The following RNPEPL1 variants were observed in gnomAD, a reference collection of about 807,000 sequenced individuals.
The protein encoded by RNPEPL1 is arginyl aminopeptidase like 1.
Under a neutral mutation model 69.0 loss-of-function variants are expected in RNPEPL1, and 46 were observed. The observed-to-expected ratio is 0.67, with a 90% CI of 0.53 to 0.85. The LOEUF is 0.85. RNPEPL1 is among the 40% of genes least tolerant of loss of function. The pLI is 0.00. For missense variants in RNPEPL1, 869 were observed against 992.5 expected, an observed-to-expected ratio of 0.88 and a Z score of 1.67; for synonymous variants, 525 against 454.1, an observed-to-expected ratio of 1.16 and a Z score of -1.98.
chr2:240,577,769 A>G lies in RNPEPL1; in HGVS notation c.2055A>G (p.Ser685=). The change falls in exon 11 of 11, where the codon TCA becomes TCG. Residue 685 remains serine (S), a synonymous_variant. Transcript: ENST00000270357. ...QGLGSSTEPA[S]EPSTELGKAE... The stretch of plus-strand genomic sequence containing the variant: ...TGGGCTCCAGCACAGAGCCCGCCTC[A>G]GAGCCCAGCACGGAGCTGGGCAAGG... 6.2e-7 allele frequency: 1 copy of G among 1,612,114 alleles called. No homozygotes were observed. The highest frequency in any genetic ancestry group is 1.1e-5 in the South Asian group (1 of 90,934).
In RNPEPL1 at chr2:240,571,020, AG is replaced by A. The variant is rs961627935; in HGVS notation, c.529-1398del. Among the ~76,000 whole-genome samples the A allele has an allele frequency of 2.6e-5, 4 of 151,984 alleles. No individual in the cohort carries two copies. In the East Asian group the frequency reaches 5.8e-4, roughly 22 times the overall value. ...AGGCCACAGGAGAGGAGTAGTTGTG[AG>A]GGGGCCGTGCAGGCTGAAGGGTTGG... On this transcript the variant is annotated intron_variant, in intron 1 of 10. Transcript: ENST00000270357.
intron 6 of RNPEPL1, 33 bp downstream of exon 6, chr2:240,574,661 G>A (rs778661454): frequency 7.1e-6 from 11 of 1,552,514 alleles, no homozygotes; most frequent in South Asian, 1.1e-5. Context: ...TCCCACAACT[G>A]GGGATGTCAC....
chr2:240,570,799 G>T (rs1166670909), intron 1 of RNPEPL1, among the ~76,000 whole-genome samples: 1 of 152,190 alleles, frequency 6.6e-6, no homozygotes, highest in South Asian at 2.1e-4. Flanking sequence ...ACGGGGATTG[G>T]TGCCCCATCT....
rs759336018 is a variant in RNPEPL1 at position 240,576,836 on chromosome 2, C to T, written c.1742-12C>T. The T allele has an allele frequency of 3.0e-5, 48 of 1,612,876 alleles. No homozygotes were observed. The highest frequency in any genetic ancestry group is 6.7e-5 in the African/African-American group (5 of 74,934). The stretch of plus-strand genomic sequence containing the variant: ...ACAGCGGCCCAGCCCTGACCTGCCC[C>T]CTGCGCTGCAGAGGTGGTGATGAGC... On this transcript the variant is annotated splice_polypyrimidine_tract_variant and intron_variant, in intron 9 of 10. Coordinates refer to ENST00000270357, the MANE Select transcript of RNPEPL1 (RefSeq NM_018226.6).
Position 240,568,520 on chromosome 2 carries a change from GCCC to G in RNPEPL1, c.-66_-64del. 14 of 769,246 alleles carry G rather than the reference GCCC, an allele frequency of 1.8e-5. No homozygotes were observed. The highest frequency in any genetic ancestry group is 5.7e-5 in the South Asian group (1 of 17,576). 47.7% of individuals were successfully genotyped at this position (769,246 alleles called of 1,614,324 possible). Reference sequence around the variant, plus strand: ...GTGCCCGCGCCCCGCCGCCGCCGCCGCCCGGCGCCCCTCGCCCGCGGCCCGGCG... The same window carrying G: ...GTGCCCGCGCCCCGCCGCCGCCGCCGGGCGCCCCTCGCCCGCGGCCCGGCG... On this transcript the variant is annotated 5_prime_UTR_variant, in exon 1 of 11. Coordinates refer to ENST00000270357, the MANE Select transcript of RNPEPL1 (RefSeq NM_018226.6). This position sits in a 1 kb window ranked among gnomAD's most constrained non-coding sequence, Gnocchi z 6.2.
intron 1 of RNPEPL1, among the ~76,000 whole-genome samples, chr2:240,571,506 G>T (rs2093021364): frequency 1.3e-5 from 2 of 152,124 alleles, no homozygotes; most frequent in African/African-American, 4.8e-5. Flanking sequence ...TTGGAAGAGG[G>T]TCCCCCTCCC....
In RNPEPL1 at chr2:240,568,734, C is replaced by T; in HGVS notation, c.148C>T (p.Leu50=). The change falls in exon 1 of 11, where the codon CTG becomes TTG. Residue 50 remains leucine (L), a synonymous_variant. Coordinates refer to ENST00000270357, the MANE Select transcript of RNPEPL1 (RefSeq NM_018226.6). This position sits in a 1 kb window ranked among gnomAD's most constrained non-coding sequence, Gnocchi z 6.2. ...CCGCCACCTGCAGCTGGGCCTGGAGCTGCGGCCCGAGGCGCGCGAGTTGGC... is the reference window on the plus strand; with the variant it reads ...CCGCCACCTGCAGCTGGGCCTGGAGTTGCGGCCCGAGGCGCGCGAGTTGGC... ...RLRHLQLGLE[L]RPEARELAGC... The T allele has an allele frequency of 3.8e-6, 4 of 1,064,662 alleles. No homozygotes were observed. The highest frequency in any genetic ancestry group is 3.4e-6 in the Non-Finnish European group (3 of 878,452). 66.0% of individuals were successfully genotyped at this position (1,064,662 alleles called of 1,614,324 possible). A position where few individuals can be genotyped will look rare whatever the true frequency, so the allele number is the denominator to read the frequency against.
chr2:240,569,132 G>T lies in RNPEPL1; in HGVS notation c.528+18G>T. ...CCCCCGCCGTGAGTCCGGGGCGGGC[G>T]CCGGGGCTGCGGGCCGGTCCGCAGG... On this transcript the variant is annotated intron_variant, in intron 1 of 10. Transcript: ENST00000270357. 6.8e-7 allele frequency: 1 copy of T among 1,463,014 alleles called. No homozygotes were observed. The highest frequency in any genetic ancestry group is 1.3e-5 in the South Asian group (1 of 76,228). 90.6% of individuals were successfully genotyped at this position (1,463,014 alleles called of 1,614,324 possible).
chr2:240,577,064 A>C, intron 10 of RNPEPL1, 74 bp downstream of exon 10: 2 of 1,571,732 alleles, frequency 1.3e-6, no homozygotes, highest in Non-Finnish European at 1.7e-6. Flanking sequence ...CCGACTCCCT[A>C]GTCTGAGCCC....
At chr2:240,574,970 C>A in intron 6 of RNPEPL1, 60 bp from the exon 7 acceptor site, 1 of 1,283,592 alleles carries the variant, frequency 7.8e-7, no homozygotes, top group Admixed American at 1.7e-5. Flanking sequence ...ACTGCCCCTC[C>A]CTATTCCACG....
intron 1 of RNPEPL1, among the ~76,000 whole-genome samples, chr2:240,570,593 A>G (rs72999928): frequency 0.084 from 12,725 of 152,160 alleles, 615 homozygotes; most frequent in Non-Finnish European, 0.11. Flanking sequence ...GATGCAGCGG[A>G]AGCTCCCTGG....
At position 240,569,171 on chromosome 2, in the gene RNPEPL1, C is replaced by T. The variant is rs2093013935; in HGVS notation, c.528+57C>T. Reference sequence around the variant, plus strand: ...CCGGTCCGCAGGGCGCTGCTAGCGGCCTCTCGCCGCACGGCCAGGCTGAGG... The same window carrying T: ...CCGGTCCGCAGGGCGCTGCTAGCGGTCTCTCGCCGCACGGCCAGGCTGAGG... On this transcript the variant is annotated intron_variant, in intron 1 of 10. Transcript: ENST00000270357. The T allele has an allele frequency of 5.1e-6, 7 of 1,369,322 alleles. No individual in the cohort carries two copies. The African/African-American group carries it at 7.6e-5, about 15-fold the overall frequency. 84.8% of individuals were successfully genotyped at this position (1,369,322 alleles called of 1,614,324 possible).
intron 8 of RNPEPL1, 96 bp downstream of exon 8, chr2:240,575,706 C>T (rs1191252882): frequency 2.2e-6 from 2 of 913,348 alleles, no homozygotes; most frequent in African/African-American, 3.2e-5. Flanking sequence ...TGGAGGAAAG[C>T]CCTGTCAGTT....
At chr2:240,573,045 C>T (rs1009731919) in intron 2 of RNPEPL1, 65 bp from the exon 3 acceptor site, 8 of 1,480,876 alleles carry the variant, frequency 5.4e-6, no homozygotes, top group East Asian at 2.4e-5. Flanking sequence ...CTGACAGGCT[C>T]CCCGGCCGGG....
Position 240,578,503 on chromosome 2 carries a change from C to G in RNPEPL1, c.*611C>G, listed in dbSNP as rs890604977. On this transcript the variant is annotated 3_prime_UTR_variant, in exon 11 of 11. Transcript: ENST00000270357. ...CCTTAGCCCCTCAGAACAGGGAGTCCCAGGACCCAGGGAGAGTGTGGGGAC... is the reference window on the plus strand; with the variant it reads ...CCTTAGCCCCTCAGAACAGGGAGTCGCAGGACCCAGGGAGAGTGTGGGGAC... 1 of 152,400 alleles carries G rather than the reference C, an allele frequency of 6.6e-6. No individual in the cohort carries two copies. The highest frequency in any genetic ancestry group is 2.4e-5 in the African/African-American group (1 of 41,434). The allele number at this position is 152,400 out of a possible 1,614,324, so 9.4% of individuals were successfully genotyped here.
chr2:240,569,271 AGGACCCTCGGATAGAAGCC>A (rs2093014435), intron 1 of RNPEPL1, 157 bp downstream of exon 1: 2 of 790,434 alleles, frequency 2.5e-6, no homozygotes, highest in Non-Finnish European at 3.5e-6. Flanking sequence ...GTGAGCCCTT[AGGACCCTCGGATAGAAGCC>A]GGAGTCCTGC....
chr2:240,572,451 A>G lies in RNPEPL1; in HGVS notation c.557A>G (p.Tyr186Cys). The G allele has an allele frequency of 6.5e-7, 1 of 1,536,098 alleles. No individual in the cohort carries two copies. The highest frequency in any genetic ancestry group is 1.2e-5 in the South Asian group (1 of 84,062). ...AIWWLDPELT[Y>C]GCAKPFVFTQ... is the part of the protein sequence containing the mutation. ...TGGTGGCTGGACCCAGAGCTGACCT[A>G]TGGCTGCGCCAAGCCCTTCGTCTTC... The change falls in exon 2 of 11, where the codon TAT (tyrosine) becomes TGT (cysteine). Residue 186 changes from tyrosine (Y) to cysteine (C), a missense_variant. Physicochemically the swap from Tyr to Cys is radical, Grantham distance 194 (BLOSUM62 -2). Transcript: ENST00000270357.
chr2:240,573,193 G>C lies in RNPEPL1; in HGVS notation c.753G>C (p.Glu251Asp). The change falls in exon 3 of 11, where the codon GAG becomes GAC. Residue 251 changes from glutamate (E) to aspartate (D), a missense_variant. Around this residue, in one of 2 missense-constraint regions of RNPEPL1, gnomAD observed 610 missense variants for 790.9 expected, o/e 0.77. Transcript: ENST00000270357. ...AAGGCGTCTTCCACTTCCACATGGA[G>C]CACCCCGTGCCCGCCTACCTCGTGG... Reference protein sequence around the residue: ...EEEGVFHFHMEHPVPAYLVAL... With the variant: ...EEEGVFHFHMDHPVPAYLVAL... 6.3e-7 allele frequency: 1 copy of C among 1,595,188 alleles called. No individual in the cohort carries two copies. Among genetic ancestry groups the C allele is most frequent in the East Asian group, 2.3e-5 (1 of 44,140 alleles).
intron 6 of RNPEPL1, 85 bp from the exon 7 acceptor site, chr2:240,574,945 C>T: frequency 1.9e-6 from 2 of 1,041,982 alleles, no homozygotes; most frequent in African/African-American, 1.6e-5. Flanking sequence ...CCTTGCTGCT[C>T]CTCGGAGCCT....
Sources: allele counts gnomAD v4.1 joint callset (sites outside exome capture counted in the v4.1 genomes callset), GRCh38; gene constraint gnomAD v4.1.1; regional missense constraint gnomAD v4.1.1; non-coding constraint Gnocchi (gnomAD v3.1); transcripts MANE v1.5; gene names NCBI Gene and HGNC (gene_info 2026-07-23, HGNC 2026-07-21).